Variants in NCKAP5 observed in about 807,000 individuals in gnomAD.
NCKAP5 encodes NCK associated protein 5, also known as nck-associated protein 5.
Under a neutral mutation model 167.0 loss-of-function variants are expected in NCKAP5, and 92 were observed. That is an observed-to-expected ratio of 0.55 (90% CI 0.47 to 0.66). The LOEUF is 0.66. Ranked by LOEUF, NCKAP5 falls within the 30% of genes least tolerant of loss-of-function variation. NCKAP5 has a pLI of 0.00. For synonymous variants in NCKAP5, 891 were observed against 877.4 expected (o/e 1.02, Z -0.27); for missense variants, 2,378 against 2,315.0 (o/e 1.03, Z -0.56).
chr2:132,984,957 C>T (rs1203369438), intron 7 of NCKAP5, among the ~76,000 whole-genome samples: 2 of 149,908 alleles, frequency 1.3e-5, no homozygotes, highest in Non-Finnish European at 3.0e-5. Context: ...TACTAAAGGG[C>T]AACATCTTTT....
intron 11 of NCKAP5, among the ~76,000 whole-genome samples, chr2:132,843,559 C>T (rs1688450148): frequency 1.1e-5 from 1 of 88,898 alleles, no homozygotes; most frequent in African/African-American, 6.2e-5. Flanking sequence ...CTCATCCATT[C>T]ATTTTTCCCT....
intron 3 of NCKAP5, among the ~76,000 whole-genome samples, chr2:133,373,152 C>T (rs894934024): frequency 3.3e-5 from 5 of 152,128 alleles, no homozygotes; most frequent in Admixed American, 6.5e-5. Flanking sequence ...TTCTGCCTAC[C>T]GGGTTCAAGC....
intron 8 of NCKAP5, among the ~76,000 whole-genome samples, chr2:132,962,287 C>T (rs894221902): frequency 4.6e-5 from 7 of 152,140 alleles, no homozygotes; most frequent in African/African-American, 1.4e-4. Flanking sequence ...TAATTACACA[C>T]GTAATCCTCG....
chr2:132,847,037 A>G (rs1427269829), intron 11 of NCKAP5, among the ~76,000 whole-genome samples: 2 of 152,208 alleles, frequency 1.3e-5, no homozygotes, highest in African/African-American at 4.8e-5. Flanking sequence ...CAAATATTGT[A>G]TGCTTTCAAC....
chr2:133,179,021 A>T (rs1344735906), intron 5 of NCKAP5, among the ~76,000 whole-genome samples: 2 of 152,004 alleles, frequency 1.3e-5, no homozygotes, highest in African/African-American at 4.8e-5. Flanking sequence ...TTTAAAAATT[A>T]TCTGAGCTTG....
chr2:133,463,426 T>C lies in NCKAP5; in HGVS notation c.69+54032A>G, dbSNP rs550549414. ...TATATTTGTAAATCCACTCTGAACA[T>C]TCCTTTTCAATTCCAGGAGCACATC... On this transcript the variant is annotated intron_variant, in intron 3 of 19. Transcript: ENST00000409261. 4.7e-4 allele frequency among the ~76,000 whole-genome samples: 71 copies of C among 152,334 alleles called. 1 individual carries two copies. The highest frequency in any genetic ancestry group is 6.8e-3 in the Middle Eastern group (2 of 294).
chr2:133,320,101 A>G (rs565732991), intron 3 of NCKAP5, among the ~76,000 whole-genome samples: 1 of 152,256 alleles, frequency 6.6e-6, no homozygotes, highest in East Asian at 1.9e-4. Context: ...CAAGGAGTAG[A>G]AGCAATGGAG....
At chr2:133,584,149 G>A in the NCKAP5 span, among the ~76,000 whole-genome samples, 462 of 152,308 alleles carry the variant, frequency 3.0e-3, 5 homozygotes, top group African/African-American at 0.01. Flanking sequence ...TTTAATAGGA[G>A]ATGTGGTTTC....
chr2:132,772,767 C>T (rs187363904), intron 16 of NCKAP5, among the ~76,000 whole-genome samples: 2 of 152,256 alleles, frequency 1.3e-5, no homozygotes, highest in East Asian at 3.9e-4. Context: ...AATGGCATGC[C>T]AGTCTCATTA....
intron 11 of NCKAP5, among the ~76,000 whole-genome samples, chr2:132,845,603 T>C (rs1261940303): frequency 6.6e-6 from 1 of 152,204 alleles, no homozygotes; most frequent in Non-Finnish European, 1.5e-5. Context: ...ATGGGCCTTT[T>C]AGACTTCTCC....
chr2:133,095,340 C>T (rs1237796251), intron 6 of NCKAP5, among the ~76,000 whole-genome samples: 6 of 152,232 alleles, frequency 3.9e-5, no homozygotes, highest in African/African-American at 1.4e-4. Context: ...GCCCCCATCA[C>T]TGTGCAAACC....
chr2:133,464,362 C>T (rs936453955), intron 3 of NCKAP5, among the ~76,000 whole-genome samples: 33 of 152,110 alleles, frequency 2.2e-4, no homozygotes, highest in Admixed American at 1.3e-4. Context: ...TACCTAGGTA[C>T]AAAAATGTTC....
At chr2:133,060,327 T>A (rs2079954276) in intron 6 of NCKAP5, among the ~76,000 whole-genome samples, 1 of 152,192 alleles carries the variant, frequency 6.6e-6, no homozygotes, top group South Asian at 2.1e-4. Context: ...AAGACCCTTT[T>A]GGGAAAAGTC....
intron 6 of NCKAP5, among the ~76,000 whole-genome samples, chr2:133,113,386 A>AGCATTTAAAAATGTC (rs1464131497): frequency 6.6e-6 from 1 of 152,250 alleles, no homozygotes; most frequent in East Asian, 1.9e-4. Context: ...AAATGTCAAA[A>AGCATTTAAAAATGTC]GCATTTAAAA....
At chr2:133,311,066 A>T (rs531505101) in intron 3 of NCKAP5, among the ~76,000 whole-genome samples, 1 of 152,286 alleles carries the variant, frequency 6.6e-6, no homozygotes, top group South Asian at 2.1e-4. Flanking sequence ...CAATTCTGAC[A>T]CGATCTACCT....
rs890109824 is a variant in NCKAP5 at position 133,392,902 on chromosome 2, T to C, written c.70-89792A>G. On this transcript the variant is annotated intron_variant, in intron 3 of 19. Transcript: ENST00000409261. The stretch of plus-strand genomic sequence containing the variant: ...GAATCATAATACTGATGTACGATGA[T>C]TTATAAGGCAACAGCGTCGAAAACT... 3.8e-4 allele frequency among the ~76,000 whole-genome samples: 58 copies of C among 152,178 alleles called. 1 individual carries two copies. Among genetic ancestry groups the C allele is most frequent in the African/African-American group, 1.1e-3 (46 of 41,454 alleles).
intron 9 of NCKAP5, among the ~76,000 whole-genome samples, chr2:132,878,613 TACACACAC>T (rs10544477): frequency 0.01 from 1,335 of 131,910 alleles, 18 homozygotes; most frequent in East Asian, 0.082. Context: ...GGGGGGCAGA[TACACACAC>T]ACACACACAC....
chr2:132,973,716 C>G (rs2076898809), intron 7 of NCKAP5, among the ~76,000 whole-genome samples: 1 of 151,570 alleles, frequency 6.6e-6, no homozygotes, highest in Admixed American at 6.6e-5. Context: ...CCCATTTCCT[C>G]ACCTTCTTGG....
chr2:132,784,818 C>G lies in NCKAP5; in HGVS notation c.1993G>C (p.Glu665Gln). Reference sequence around the variant, plus strand: ...GCATCAAATATCACAGTCACACATTCTTCTGAAGAAGTCCTTTTTACAACT... The same window carrying G: ...GCATCAAATATCACAGTCACACATTGTTCTGAAGAAGTCCTTTTTACAACT... The part of the protein sequence containing the change: ...QRVVKRTSSE[E>Q]CVTVIFDAED... The change falls in exon 14 of 20, where the codon GAA becomes CAA. Residue 665 changes from glutamate (E) to glutamine (Q), a missense_variant. By Grantham distance (29) the Glu-to-Gln change is conservative. This residue lies in a region of NCKAP5 where 1,049 missense variants were observed against 1,023.4 expected (regional missense o/e 1.02). Coordinates refer to ENST00000409261, the MANE Select transcript of NCKAP5 (RefSeq NM_207363.3). 1 of 1,587,476 alleles carries G rather than the reference C, an allele frequency of 6.3e-7. No homozygotes were observed. The highest frequency in any genetic ancestry group is 1.4e-5 in the African/African-American group (1 of 73,990).
Sources: gnomAD v4.1 joint callset for allele counts (sites outside exome capture counted in the v4.1 genomes callset) on GRCh38, gnomAD v4.1.1 for gene constraint, gnomAD v4.1.1 regional missense constraint, MANE v1.5 for transcripts, NCBI Gene and HGNC (gene_info 2026-07-23, HGNC 2026-07-21) for gene names.